Variants in GRIK1 observed in about 807,000 individuals in gnomAD.
GRIK1 encodes the protein glutamate receptor ionotropic, kainate 1.
In GRIK1, 69 loss-of-function variants were observed where a neutral mutation model predicts 105.7. The observed-to-expected ratio is 0.65, with a 90% CI of 0.54 to 0.80. The LOEUF (loss-of-function observed/expected upper bound fraction) is 0.80, where lower values mean the gene tolerates loss of function less well. Ranked by LOEUF, GRIK1 falls within the 30% of genes least tolerant of loss-of-function variation. GRIK1 has a pLI of 0.00. For synonymous variants in GRIK1, 438 were observed against 431.3 expected (o/e 1.02, Z -0.19); for missense variants, 1,109 against 1,167.3 (o/e 0.95, Z 0.73).
intron 1 of GRIK1, among the ~76,000 whole-genome samples, chr21:29,709,574 T>C (rs1160215503): frequency 1.3e-5 from 2 of 152,118 alleles, no homozygotes; most frequent in Admixed American, 6.5e-5. Context: ...TCATTAAACT[T>C]ATAAATATAT....
intron 1 of GRIK1, among the ~76,000 whole-genome samples, chr21:29,869,410 T>G (rs2146127616): frequency 6.6e-6 from 1 of 152,312 alleles, no homozygotes; most frequent in South Asian, 2.1e-4. Flanking sequence ...TCAACAAAAC[T>G]GAAGCTCTGC....
At chr21:29,903,924 C>A (rs147482053) in intron 1 of GRIK1, among the ~76,000 whole-genome samples, 1 of 152,244 alleles carries the variant, frequency 6.6e-6, no homozygotes, top group East Asian at 1.9e-4. Flanking sequence ...CACATATACA[C>A]CATGGAATAC....
intron 1 of GRIK1, among the ~76,000 whole-genome samples, chr21:29,846,482 AAAG>A: frequency 6.7e-6 from 1 of 149,368 alleles, no homozygotes; most frequent in African/African-American, 2.4e-5. Context: ...AGAAAGAAAG[AAAG>A]AAAGAAAGAA....
In GRIK1 at chr21:29,560,714, G is replaced by A. The variant is rs145560955; in HGVS notation, c.2356+910C>T. Among the ~76,000 whole-genome samples the A allele has an allele frequency of 8.2e-4, 123 of 150,906 alleles. 3 individuals are homozygous for A. In the East Asian group the frequency reaches 0.022, roughly 27 times the overall value. On this transcript the variant is annotated intron_variant, in intron 15 of 17. Coordinates refer to ENST00000327783, the MANE Select transcript of GRIK1 (RefSeq NM_001330994.2). ...CCTCCCGGGTTCAAATGATTCTCCT[G>A]CCTCAGCCTCCTGAGTAGCTGGGAC...
intron 1 of GRIK1, among the ~76,000 whole-genome samples, chr21:29,859,106 G>GC: frequency 6.6e-6 from 1 of 150,808 alleles, no homozygotes; most frequent in Non-Finnish European, 1.5e-5. Context: ...GCAAACTATC[G>GC]CAAGGACGAA....
chr21:29,817,835 C>A (rs939757385), intron 1 of GRIK1, among the ~76,000 whole-genome samples: 2 of 152,116 alleles, frequency 1.3e-5, no homozygotes, highest in Non-Finnish European at 2.9e-5. Context: ...TTATACAGAA[C>A]CTGTTATGTG....
At chr21:29,631,801 CA>C (rs1317000217) in intron 7 of GRIK1, among the ~76,000 whole-genome samples, 1 of 151,978 alleles carries the variant, frequency 6.6e-6, no homozygotes, top group Non-Finnish European at 1.5e-5. Context: ...AAATTAATTC[CA>C]CCTGTCTTTT....
rs1292436428 is a variant in GRIK1 at position 29,663,934 on chromosome 21, A to G, written c.726+9049T>C. Among the ~76,000 whole-genome samples the G allele has an allele frequency of 2.0e-5, 3 of 152,170 alleles. No homozygotes were observed. In the East Asian group the frequency reaches 5.8e-4, roughly 29 times the overall value. On this transcript the variant is annotated intron_variant, in intron 4 of 17. Transcript: ENST00000327783. ...AGATCAATTATATTAGTGGAGAAGG[A>G]AGATGATGAGAGATAGAGAAAAGGA...
chr21:29,864,246 A>G (rs2068733803), intron 1 of GRIK1, among the ~76,000 whole-genome samples: 1 of 152,162 alleles, frequency 6.6e-6, no homozygotes, highest in South Asian at 2.1e-4. Flanking sequence ...TCAAAATTTC[A>G]AAGACATAAT....
At chr21:29,658,204 G>A (rs955343035) in intron 4 of GRIK1, among the ~76,000 whole-genome samples, 1 of 152,082 alleles carries the variant, frequency 6.6e-6, no homozygotes, top group Admixed American at 6.5e-5. Context: ...CATATGGATA[G>A]CATATTCCTC....
At chr21:29,751,124 C>A (rs2065190349) in intron 1 of GRIK1, among the ~76,000 whole-genome samples, 1 of 152,116 alleles carries the variant, frequency 6.6e-6, no homozygotes, top group African/African-American at 2.4e-5. Context: ...CATGGACCAG[C>A]CATTTTCACT....
At chr21:29,619,200 AG>A (rs965801765) in intron 7 of GRIK1, among the ~76,000 whole-genome samples, 1 of 151,032 alleles carries the variant, frequency 6.6e-6, no homozygotes. Flanking sequence ...GCACTTTGGG[AG>A]GCCAAAGCGG....
rs1454365975 is a variant in GRIK1 at position 29,555,059 on chromosome 21, ATATCATTATTCTTC to A, written c.2586_2599del (p.Lys863Ter). On this transcript the variant is annotated frameshift_variant, in exon 16 of 18. Coordinates refer to ENST00000327783, the MANE Select transcript of GRIK1 (RefSeq NM_001330994.2). LOFTEE classifies it high-confidence loss of function. ...TAGAAAGAGATGACTCACCTGTTCA[ATATCATTATTCTTC>A]CGTGATTTGTATATGAATTCTCCAA... 1 of 1,609,288 alleles carries A rather than the reference ATATCATTATTCTTC, an allele frequency of 6.2e-7. No individual in the cohort carries two copies. Among genetic ancestry groups the A allele is most frequent in the Non-Finnish European group, 8.5e-7 (1 of 1,175,916 alleles).
chr21:29,560,311 CTTT>C (rs2090369986), intron 15 of GRIK1, among the ~76,000 whole-genome samples: 3 of 116,638 alleles, frequency 2.6e-5, no homozygotes, highest in African/African-American at 1.1e-4. Context: ...TTCTTTCTTT[CTTT>C]CTTTCTTTCT....
intron 9 of GRIK1, chr21:29,596,132 C>A (rs2061407898): frequency 1.2e-5 from 4 of 346,724 alleles, no homozygotes. Context: ...TCTGACTAGT[C>A]TCATGGATCA....
chr21:29,693,751 G>T, intron 2 of GRIK1, 145 bp downstream of exon 2: 1 of 643,884 alleles, frequency 1.6e-6, no homozygotes, highest in South Asian at 1.9e-5. Context: ...AGATTACACT[G>T]ATCAGTGACA....
chr21:29,861,766 A>G (rs1352457975), intron 1 of GRIK1: 4 of 358,652 alleles, frequency 1.1e-5, no homozygotes, highest in Non-Finnish European at 2.2e-5. Flanking sequence ...GATTGCATTA[A>G]TTTCTTTGTA....
intron 1 of GRIK1, among the ~76,000 whole-genome samples, chr21:29,892,056 T>C (rs2069922170): frequency 6.6e-6 from 1 of 152,198 alleles, no homozygotes. Context: ...TCTTTATAGA[T>C]GAATAAAGGT....
intron 1 of GRIK1, among the ~76,000 whole-genome samples, chr21:29,886,819 G>A (rs1244049101): frequency 3.3e-5 from 5 of 152,142 alleles, no homozygotes; most frequent in Non-Finnish European, 5.9e-5. Context: ...CATAGACTCA[G>A]AAACAAAGGA....
Sources: allele counts gnomAD v4.1 joint callset (sites outside exome capture counted in the v4.1 genomes callset), GRCh38; gene constraint gnomAD v4.1.1; transcripts MANE v1.5; gene names NCBI Gene and HGNC (gene_info 2026-07-23, HGNC 2026-07-21).